Variants in TMEM132C observed in about 807,000 individuals in gnomAD.
TMEM132C encodes the protein protein phosphatase 1, regulatory subunit 152.
Under a neutral mutation model 61.4 loss-of-function variants are expected in TMEM132C, and 29 were observed. That is an observed-to-expected ratio of 0.47 (90% CI 0.35 to 0.64). TMEM132C has a LOEUF of 0.64. Ranked by LOEUF, TMEM132C falls within the 30% of genes least tolerant of loss-of-function variation. The pLI is 0.00. For synonymous variants in TMEM132C, 656 were observed against 633.1 expected (o/e 1.04, Z -0.54); for missense variants, 1,408 against 1,476.9 (o/e 0.95, Z 0.76).
chr12:128,667,471 C>A (rs1954490118), intron 4 of TMEM132C, among the ~76,000 whole-genome samples: 1 of 152,158 alleles, frequency 6.6e-6, no homozygotes, highest in South Asian at 2.1e-4. Context: ...TCCCACGGAC[C>A]CAGGAGAAGA....
At chr12:128,267,587 G>A (rs900919369) in intron 1 of TMEM132C, 100 bp downstream of exon 1, 6 of 976,180 alleles carry the variant, frequency 6.1e-6, no homozygotes, top group Middle Eastern at 4.1e-4. Flanking sequence ...TGCGGCGGGG[G>A]CCTCGGCGGG....
chr12:128,405,737 A>G (rs1875320274), intron 1 of TMEM132C, among the ~76,000 whole-genome samples: 1 of 152,196 alleles, frequency 6.6e-6, no homozygotes, highest in African/African-American at 2.4e-5. Flanking sequence ...GTTATCAATT[A>G]TTAGTAAGCT....
At chr12:128,268,184 C>T (rs111941299) in intron 1 of TMEM132C, among the ~76,000 whole-genome samples, 1 of 152,192 alleles carries the variant, frequency 6.6e-6, no homozygotes, top group Admixed American at 6.5e-5. Context: ...CGGTCCTGTC[C>T]GGGGCTCCTT....
At chr12:128,434,917 C>T (rs535927177) in intron 2 of TMEM132C, among the ~76,000 whole-genome samples, 16 of 152,020 alleles carry the variant, frequency 1.1e-4, no homozygotes, top group South Asian at 4.2e-4. Context: ...CCACCGCAGC[C>T]GGCCCATATA....
chr12:128,626,566 TC>T (rs1344538671), intron 4 of TMEM132C, among the ~76,000 whole-genome samples: 1 of 151,690 alleles, frequency 6.6e-6, no homozygotes, highest in East Asian at 1.9e-4. Flanking sequence ...TGCCTCAGCC[TC>T]CTGCGTAGCT....
intron 2 of TMEM132C, among the ~76,000 whole-genome samples, chr12:128,432,775 G>A (rs1869436326): frequency 6.6e-6 from 1 of 152,200 alleles, no homozygotes; most frequent in African/African-American, 2.4e-5. Flanking sequence ...AGGAGGTTTT[G>A]AGAGGGTTAA....
chr12:128,642,252 C>G (rs1163581363), intron 4 of TMEM132C, among the ~76,000 whole-genome samples: 1 of 152,146 alleles, frequency 6.6e-6, no homozygotes, highest in Admixed American at 6.5e-5. Context: ...CTGCCTCAGC[C>G]TCCCAAGTAG....
intron 3 of TMEM132C, among the ~76,000 whole-genome samples, chr12:128,544,756 A>C (rs1022840910): frequency 6.6e-6 from 1 of 152,212 alleles, no homozygotes; most frequent in Non-Finnish European, 1.5e-5. Flanking sequence ...TATGCTAAAT[A>C]TATTTAGTTT....
chr12:128,364,196 A>G (rs1207452243), intron 1 of TMEM132C, among the ~76,000 whole-genome samples: 1 of 151,560 alleles, frequency 6.6e-6, no homozygotes, highest in African/African-American at 2.4e-5. Context: ...AGTTCGCAAC[A>G]TTAAAACATC....
intron 3 of TMEM132C, among the ~76,000 whole-genome samples, chr12:128,562,251 C>T (rs1173286746): frequency 6.6e-6 from 1 of 152,178 alleles, no homozygotes. Context: ...GTAGCAACAC[C>T]TATTTTTTAA....
intron 3 of TMEM132C, among the ~76,000 whole-genome samples, chr12:128,586,275 AAAC>A (rs1323885255): frequency 6.6e-6 from 1 of 151,922 alleles, no homozygotes; most frequent in Non-Finnish European, 1.5e-5. Context: ...CAAAAAAGTT[AAAC>A]AATGACCATA....
intron 1 of TMEM132C, among the ~76,000 whole-genome samples, chr12:128,364,529 C>G (rs1354241132): frequency 6.6e-6 from 1 of 152,154 alleles, no homozygotes; most frequent in Non-Finnish European, 1.5e-5. Context: ...TCATGGAGTC[C>G]AAGAGAGGGG....
chr12:128,383,604 G>T (rs543386999), intron 1 of TMEM132C, among the ~76,000 whole-genome samples: 1 of 152,282 alleles, frequency 6.6e-6, no homozygotes, highest in Admixed American at 6.5e-5. Flanking sequence ...AGTTCAAACG[G>T]AATTTCTCTC....
intron 4 of TMEM132C, among the ~76,000 whole-genome samples, chr12:128,619,574 C>A (rs998107123): frequency 1.3e-5 from 2 of 152,196 alleles, no homozygotes; most frequent in African/African-American, 4.8e-5. Context: ...TGACAATGAG[C>A]CTCTTGCCTT....
At position 128,568,561 on chromosome 12, in the gene TMEM132C, A is replaced by T. The variant is rs1874775025; in HGVS notation, c.1121+24458A>T. ...TCCCTACGAGGTGGGTGTGGTTATC[A>T]GCTCTGGTTTACAGATGCTGAAACT... On this transcript the variant is annotated intron_variant, in intron 3 of 8. Coordinates refer to ENST00000435159, the MANE Select transcript of TMEM132C (RefSeq NM_001136103.3). Among the ~76,000 whole-genome samples, 3 of 152,226 alleles carry T rather than the reference A, an allele frequency of 2.0e-5. No homozygotes were observed. In the South Asian group the frequency reaches 6.2e-4, roughly 32 times the overall value.
intron 1 of TMEM132C, among the ~76,000 whole-genome samples, chr12:128,333,465 T>C (rs903225925): frequency 5.3e-5 from 8 of 151,904 alleles, no homozygotes; most frequent in African/African-American, 1.7e-4. Flanking sequence ...ATTGCTTGTA[T>C]TTGAGAGTGG....
chr12:128,503,250 A>C (rs976868245), intron 2 of TMEM132C, among the ~76,000 whole-genome samples: 20 of 152,250 alleles, frequency 1.3e-4, no homozygotes, highest in Non-Finnish European at 4.4e-5. Flanking sequence ...GGGCTTTCGG[A>C]GTTCATCTGA....
chr12:128,277,850 C>G (rs1870746005), intron 1 of TMEM132C, among the ~76,000 whole-genome samples: 1 of 152,120 alleles, frequency 6.6e-6, no homozygotes, highest in Non-Finnish European at 1.5e-5. Context: ...GGAAGGTGGC[C>G]TTCTTTATCT....
intron 2 of TMEM132C, among the ~76,000 whole-genome samples, chr12:128,463,321 T>C (rs749682964): frequency 3.3e-5 from 5 of 152,060 alleles, no homozygotes; most frequent in Admixed American, 3.3e-4. Context: ...ATGCTTCTCT[T>C]TTCTTTTTCT....
Sources: allele counts gnomAD v4.1 joint callset (sites outside exome capture counted in the v4.1 genomes callset), GRCh38; gene constraint gnomAD v4.1.1; transcripts MANE v1.5; gene names NCBI Gene and HGNC (gene_info 2026-07-23, HGNC 2026-07-21).